CUX1: variants seen among roughly 807,000 people sequenced by gnomAD.
The protein encoded by CUX1 is protein CASP.
A neutral mutation model predicts 158.8 loss-of-function variants in CUX1; 31 were observed. The ratio of observed to expected loss-of-function variants is 0.20; its 90% CI spans 0.15 to 0.26. The LOEUF is 0.26. Ranked by LOEUF, CUX1 falls within the 10% of genes least tolerant of loss-of-function variation. The pLI is 1.00. For missense variants in CUX1, 1,589 were observed against 2,014.6 expected (o/e 0.79, Z 4.04); for synonymous variants, 879 against 862.1 (o/e 1.02, Z -0.34).
At chr7:102,214,930 A>G (rs1796904534) in intron 20 of CUX1, among the ~76,000 whole-genome samples, 1 of 152,340 alleles carries the variant, frequency 6.6e-6, no homozygotes, top group South Asian at 2.1e-4. Context: ...GTCATTTGGC[A>G]CCTAAATAAA....
chr7:102,040,995 A>G (rs1041426607), intron 3 of CUX1, among the ~76,000 whole-genome samples: 2 of 152,160 alleles, frequency 1.3e-5, no homozygotes, highest in African/African-American at 4.8e-5. Flanking sequence ...CTGTTCAAAA[A>G]TGGGATGAGC....
chr7:102,035,992 T>C (rs1219584667), intron 3 of CUX1, among the ~76,000 whole-genome samples: 1 of 152,172 alleles, frequency 6.6e-6, no homozygotes, highest in African/African-American at 2.4e-5. Flanking sequence ...CTATTTGATC[T>C]AAAATCAAAT....
At chr7:101,847,596 A>T (rs559136501) in intron 1 of CUX1, among the ~76,000 whole-genome samples, 23 of 152,234 alleles carry the variant, frequency 1.5e-4, no homozygotes, top group African/African-American at 5.1e-4. Flanking sequence ...TGCCTGATGT[A>T]CTATTCTAAA....
chr7:101,989,167 C>G (rs1374453365), intron 2 of CUX1, among the ~76,000 whole-genome samples: 1 of 152,100 alleles, frequency 6.6e-6, no homozygotes, highest in Non-Finnish European at 1.5e-5. Flanking sequence ...TTCCTATTCC[C>G]CCAGCACCGA....
At chr7:101,861,605 A>T (rs1382290779) in intron 1 of CUX1, among the ~76,000 whole-genome samples, 1 of 136,416 alleles carries the variant, frequency 7.3e-6, no homozygotes, top group African/African-American at 2.7e-5. Context: ...CTGCAGAGGC[A>T]CATGTAGGGT....
At chr7:101,935,457 G>T (rs1456773093) in intron 2 of CUX1, among the ~76,000 whole-genome samples, 2 of 152,166 alleles carry the variant, frequency 1.3e-5, no homozygotes, top group African/African-American at 4.8e-5. Context: ...TTCATGAATG[G>T]ACAAGGCCTG....
At chr7:101,978,543 T>C in intron 2 of CUX1, among the ~76,000 whole-genome samples, 1 of 152,266 alleles carries the variant, frequency 6.6e-6, no homozygotes, top group South Asian at 2.1e-4. Flanking sequence ...CTGTCCATTC[T>C]CTTTCCCCAG....
At chr7:102,029,395 C>T (rs1040673671) in intron 3 of CUX1, among the ~76,000 whole-genome samples, 1 of 152,032 alleles carries the variant, frequency 6.6e-6, no homozygotes, top group African/African-American at 2.4e-5. Flanking sequence ...CCGTGAGATA[C>T]AGTAGGTTCC....
At position 102,127,573 on chromosome 7, in the gene CUX1, G is replaced by T. The variant is rs1421063508; in HGVS notation, c.674+12300G>T. On this transcript the variant is annotated intron_variant, in intron 8 of 23. Transcript: ENST00000292535. Reference sequence around the variant, plus strand: ...TTTTGATTTCTAGGGTTTGTTTTTTGTTTTTGTTTTTTTTTTTACCTGACA... The same window carrying T: ...TTTTGATTTCTAGGGTTTGTTTTTTTTTTTTGTTTTTTTTTTTACCTGACA... Among the ~76,000 whole-genome samples the T allele has an allele frequency of 2.8e-5, 3 of 107,426 alleles. No homozygotes were observed. The East Asian group carries it at 5.9e-4, about 21-fold the overall frequency. 70.5% of individuals were successfully genotyped at this position (107,426 alleles called of 152,430 possible). A position where few individuals can be genotyped will look rare whatever the true frequency, so the allele number is the denominator to read the frequency against.
At chr7:102,100,044 C>A (rs1210229283) in intron 5 of CUX1, among the ~76,000 whole-genome samples, 2 of 152,120 alleles carry the variant, frequency 1.3e-5, no homozygotes, top group Non-Finnish European at 2.9e-5. Context: ...CTTAAGGAGG[C>A]CAAGGTGGGC....
chr7:102,201,277 A>G lies in CUX1; in HGVS notation c.2063-83A>G. On this transcript the variant is annotated intron_variant, in intron 17 of 23. Coordinates refer to ENST00000292535, the MANE Select transcript of CUX1 (RefSeq NM_181552.4). This position sits in a 1 kb window ranked among gnomAD's most constrained non-coding sequence, Gnocchi z 5.0. ...TTCTCCCAAATAACCCACACTTTGC[A>G]GTAGGTCAAGTTAGGATGAGAAGCA... 6.5e-7 allele frequency: 1 copy of G among 1,542,974 alleles called. No homozygotes were observed. Among genetic ancestry groups the G allele is most frequent in the Non-Finnish European group, 8.7e-7 (1 of 1,143,554 alleles).
At chr7:102,158,478 T>G in intron 8 of CUX1, 82 bp from the exon 9 acceptor site, 3 of 1,446,212 alleles carry the variant, frequency 2.1e-6, no homozygotes, top group Non-Finnish European at 2.9e-6. Context: ...TCCCGAGCCC[T>G]GAGCTAGGAA....
chr7:102,015,960 A>G (rs1019601543), intron 2 of CUX1, among the ~76,000 whole-genome samples: 3 of 152,060 alleles, frequency 2.0e-5, no homozygotes, highest in Admixed American at 6.5e-5. Flanking sequence ...TTACAGGCAC[A>G]TGCCACTACA....
rs1270924698 is a variant in CUX1, at chr7:102,254,357, T to C, written c.*5315T>C. The C allele has an allele frequency of 4.1e-6, 4 of 985,342 alleles. No homozygotes were observed. The African/African-American group carries it at 5.2e-5, about 13-fold the overall frequency. 61.0% of individuals were successfully genotyped at this position (985,342 alleles called of 1,614,324 possible). On this transcript the variant is annotated 3_prime_UTR_variant, in exon 24 of 24. Transcript: ENST00000292535. ...TCTTGGGTGTCTCTTGTCTCTGGCA[T>C]GGTTTTAGCGTCACTGCGAACACTC...
At chr7:102,016,063 T>A in intron 2 of CUX1, among the ~76,000 whole-genome samples, 1 of 152,144 alleles carries the variant, frequency 6.6e-6, no homozygotes, top group African/African-American at 2.4e-5. Flanking sequence ...GATCCTCCCT[T>A]AGCCTCCCAA....
chr7:102,239,246 C>T (rs904081952), intron 22 of CUX1, 74 bp from the exon 23 acceptor site: 92 of 1,510,996 alleles, frequency 6.1e-5, no homozygotes, highest in Non-Finnish European at 8.0e-5. Flanking sequence ...TGTGCCGTCC[C>T]GCTAGCGGGA....
At chr7:102,156,257 G>A (rs1342285530) in intron 8 of CUX1, among the ~76,000 whole-genome samples, 1 of 152,134 alleles carries the variant, frequency 6.6e-6, no homozygotes, top group East Asian at 1.9e-4. Flanking sequence ...CTGAGGCCAG[G>A]GTGATTTATA....
At chr7:102,179,077 C>T (rs1554513165) in intron 11 of CUX1, among the ~76,000 whole-genome samples, 1 of 152,026 alleles carries the variant, frequency 6.6e-6, no homozygotes, top group Non-Finnish European at 1.5e-5. Flanking sequence ...GACAGAGTTT[C>T]ATTCTTGTCA....
chr7:102,006,973 GC>G (rs1389303326), intron 2 of CUX1, among the ~76,000 whole-genome samples: 1 of 152,144 alleles, frequency 6.6e-6, no homozygotes, highest in East Asian at 1.9e-4. Flanking sequence ...TTTCGCCAGC[GC>G]GGGCCTCCTC....
Sources: gnomAD v4.1 joint callset for allele counts (sites outside exome capture counted in the v4.1 genomes callset) on GRCh38, gnomAD v4.1.1 for gene constraint, Gnocchi (gnomAD v3.1) non-coding constraint, MANE v1.5 for transcripts, NCBI Gene and HGNC (gene_info 2026-07-23, HGNC 2026-07-21) for gene names.